Variants in PRKAR2B observed in about 807,000 individuals in gnomAD.
The protein encoded by PRKAR2B is cAMP-dependent protein kinase type II-beta regulatory subunit.
PRKAR2B carries 14 observed loss-of-function variants against 49.9 expected under a neutral mutation model. The ratio of observed to expected loss-of-function variants is 0.28; its 90% confidence interval spans 0.19 to 0.44. The LOEUF (loss-of-function observed/expected upper bound fraction) is 0.44. Among genes scored for constraint, PRKAR2B ranks in the 20% least tolerant of loss-of-function variants. The pLI is 1.00. For synonymous variants in PRKAR2B, 196 were observed against 197.7 expected (o/e 0.99, Z 0.07); for missense variants, 393 against 537.9 (o/e 0.73, Z 2.67).
intron 6 of PRKAR2B, 57 bp downstream of exon 6, chr7:107,146,518 G>A (rs1795898422): frequency 2.6e-6 from 4 of 1,534,990 alleles, no homozygotes; most frequent in African/African-American, 1.4e-5. Context: ...TGCTATGACG[G>A]TGTTACAAAT....
intron 7 of PRKAR2B, 26 bp downstream of exon 7, chr7:107,151,049 T>G (rs368414515): frequency 4.4e-4 from 584 of 1,338,024 alleles, no homozygotes; most frequent in Non-Finnish European, 5.6e-4. Flanking sequence ...TGCTTTTATT[T>G]TATTTTGCTT....
At chr7:107,136,570 CAT>C (rs1795705863) in intron 4 of PRKAR2B, among the ~76,000 whole-genome samples, 1 of 152,190 alleles carries the variant, frequency 6.6e-6, no homozygotes, top group African/African-American at 2.4e-5. Context: ...CTCCACATCA[CAT>C]GTCATCAGGG....
In PRKAR2B at chr7:107,120,371, C is replaced by T. The variant is rs569148248; in HGVS notation, c.344-1581C>T. On this transcript the variant is annotated intron_variant, in intron 2 of 10. Coordinates refer to ENST00000265717, the MANE Select transcript of PRKAR2B (RefSeq NM_002736.3). ...GTTAAGAGTCACTGGTTAAGAGTCT[C>T]TTGGTTAAGAGTCACTGGTTCAGGT... Among the ~76,000 whole-genome samples the T allele has an allele frequency of 1.1e-4, 17 of 152,122 alleles. No homozygotes were observed. The East Asian group carries it at 2.7e-3, about 24-fold the overall frequency.
chr7:107,088,247 G>A (rs968129010), intron 2 of PRKAR2B, among the ~76,000 whole-genome samples: 10 of 152,148 alleles, frequency 6.6e-5, no homozygotes, highest in East Asian at 1.9e-4. Context: ...CGGAAACCTC[G>A]TTCAGGTATC....
intron 2 of PRKAR2B, among the ~76,000 whole-genome samples, chr7:107,088,098 G>A (rs138599669): frequency 1.3e-5 from 2 of 152,082 alleles, no homozygotes; most frequent in Non-Finnish European, 2.9e-5. Context: ...TATTATTTCC[G>A]TTTTAAAGAA....
In PRKAR2B at chr7:107,161,177, T is replaced by G. The variant is rs1008632339; in HGVS notation, c.*1595T>G. ...ACATTTTTAGAACACTGTTTAACATTTTTGCAAAACCTTCTTGTAGGAAAA... is the reference window on the plus strand; with the variant it reads ...ACATTTTTAGAACACTGTTTAACATGTTTGCAAAACCTTCTTGTAGGAAAA... On this transcript the variant is annotated 3_prime_UTR_variant, in exon 11 of 11. Coordinates refer to ENST00000265717, the MANE Select transcript of PRKAR2B (RefSeq NM_002736.3). 1 of 152,204 alleles carries G rather than the reference T, an allele frequency of 6.6e-6. No individual in the cohort carries two copies. The highest frequency in any genetic ancestry group is 2.4e-5 in the African/African-American group (1 of 41,452). 9.4% of individuals were successfully genotyped at this position (152,204 alleles called of 1,614,324 possible). A position where few individuals can be genotyped will look rare whatever the true frequency, so the allele number is the denominator to read the frequency against.
At chr7:107,116,973 G>GTA (rs2115572146) in intron 2 of PRKAR2B, among the ~76,000 whole-genome samples, 1 of 149,428 alleles carries the variant, frequency 6.7e-6, no homozygotes, top group East Asian at 1.9e-4. Context: ...ATATATATGT[G>GTA]TATATATATA....
intron 2 of PRKAR2B, among the ~76,000 whole-genome samples, chr7:107,109,757 T>C (rs948915938): frequency 1.4e-4 from 22 of 152,278 alleles, no homozygotes; most frequent in African/African-American, 5.1e-4. Flanking sequence ...TGCATCTATA[T>C]TGAAACTCTC....
At chr7:107,102,843 G>C (rs539358043) in intron 2 of PRKAR2B, among the ~76,000 whole-genome samples, 1 of 151,942 alleles carries the variant, frequency 6.6e-6, no homozygotes, top group East Asian at 1.9e-4. Flanking sequence ...GCTAATTTTT[G>C]TATTTTTAGT....
chr7:107,051,780 A>C (rs1793809483), intron 1 of PRKAR2B, among the ~76,000 whole-genome samples: 2 of 152,246 alleles, frequency 1.3e-5, no homozygotes, highest in Admixed American at 6.5e-5. Flanking sequence ...TGCTGTTTAA[A>C]AATGTTTCTT....
intron 4 of PRKAR2B, among the ~76,000 whole-genome samples, chr7:107,132,387 A>G (rs1274085140): frequency 1.3e-5 from 2 of 152,230 alleles, no homozygotes; most frequent in African/African-American, 4.8e-5. Context: ...GAATGTAACT[A>G]TCAGATTTAT....
chr7:107,105,386 T>G (rs1341830998), intron 2 of PRKAR2B, among the ~76,000 whole-genome samples: 1 of 152,184 alleles, frequency 6.6e-6, no homozygotes, highest in African/African-American at 2.4e-5. Flanking sequence ...ATAGGACACT[T>G]AGGCATAAGC....
At chr7:107,051,972 G>A (rs191071664) in intron 1 of PRKAR2B, among the ~76,000 whole-genome samples, 3 of 152,088 alleles carry the variant, frequency 2.0e-5, no homozygotes, top group African/African-American at 7.2e-5. Flanking sequence ...GAATTTGGGG[G>A]GTAAAAAGAG....
At chr7:107,148,286 C>T (rs187479771) in intron 6 of PRKAR2B, among the ~76,000 whole-genome samples, 44 of 152,300 alleles carry the variant, frequency 2.9e-4, no homozygotes, top group Admixed American at 2.6e-3. Flanking sequence ...TTCAGATTGT[C>T]AGATTGTCAC....
At chr7:107,085,293 C>T (rs1207825392) in intron 2 of PRKAR2B, among the ~76,000 whole-genome samples, 2 of 152,008 alleles carry the variant, frequency 1.3e-5, no homozygotes, top group Non-Finnish European at 2.9e-5. Context: ...GAAATCATCT[C>T]CAACTTCCAT....
At chr7:107,072,500 A>G (rs1227264791) in intron 2 of PRKAR2B, among the ~76,000 whole-genome samples, 1 of 152,200 alleles carries the variant, frequency 6.6e-6, no homozygotes, top group Non-Finnish European at 1.5e-5. Context: ...AAAATGTGGT[A>G]TAAGAAAAAA....
At chr7:107,156,485 C>A (rs866965369) in intron 8 of PRKAR2B, among the ~76,000 whole-genome samples, 1 of 151,858 alleles carries the variant, frequency 6.6e-6, no homozygotes, top group African/African-American at 2.4e-5. Context: ...CAAATGAAAT[C>A]ATTACTACAT....
At chr7:107,100,954 T>G (rs781378915) in intron 2 of PRKAR2B, among the ~76,000 whole-genome samples, 6 of 151,670 alleles carry the variant, frequency 4.0e-5, no homozygotes, top group Non-Finnish European at 8.8e-5. Flanking sequence ...AATTGAAATC[T>G]TTGCTAAGTC....
intron 5 of PRKAR2B, among the ~76,000 whole-genome samples, chr7:107,141,860 A>C (rs1255257999): frequency 6.6e-6 from 1 of 152,170 alleles, no homozygotes. Flanking sequence ...TCTTAAAAAA[A>C]CTCTATAATT....
Sources: allele counts gnomAD v4.1 joint callset (sites outside exome capture counted in the v4.1 genomes callset), GRCh38; gene constraint gnomAD v4.1.1; transcripts MANE v1.5; gene names NCBI Gene and HGNC (gene_info 2026-07-23, HGNC 2026-07-21).